The following ALPK2 variants were observed in gnomAD, a reference collection of about 807,000 sequenced individuals.
ALPK2 encodes alpha kinase 2, also known as alpha-protein kinase 2.
Under a neutral mutation model 163.1 loss-of-function variants are expected in ALPK2, and 127 were observed. The observed-to-expected ratio is 0.78, with a 90% confidence interval of 0.67 to 0.90. ALPK2 has a LOEUF of 0.90. Ranked by LOEUF, ALPK2 falls within the 40% of genes least tolerant of loss-of-function variation. ALPK2 has a pLI of 0.00. For synonymous variants in ALPK2, 953 were observed against 959.1 expected, an observed-to-expected ratio of 0.99 and a Z score of 0.12; for missense variants, 2,360 against 2,589.6, an observed-to-expected ratio of 0.91 and a Z score of 1.92.
At chr18:58,611,381 A>G (rs555947016) in intron 2 of ALPK2, among the ~76,000 whole-genome samples, 4 of 152,300 alleles carry the variant, frequency 2.6e-5, no homozygotes, top group African/African-American at 7.2e-5. Flanking sequence ...AATTTAAACT[A>G]TGGTTAAGGA....
intron 4 of ALPK2, among the ~76,000 whole-genome samples, chr18:58,570,711 T>C (rs981941634): frequency 6.6e-6 from 1 of 152,218 alleles, no homozygotes; most frequent in African/African-American, 2.4e-5. Flanking sequence ...CAGTCAATCC[T>C]CATATTGTGG....
intron 1 of ALPK2, among the ~76,000 whole-genome samples, chr18:58,613,125 T>C (rs1030383400): frequency 1.4e-4 from 21 of 152,170 alleles, no homozygotes; most frequent in African/African-American, 5.1e-4. Flanking sequence ...TCTTCCCTAT[T>C]TCTTCCCACT....
At chr18:58,517,302 G>A (rs2051527526) in intron 8 of ALPK2, 120 bp from the exon 9 acceptor site, 1 of 1,009,284 alleles carries the variant, frequency 9.9e-7, no homozygotes, top group Non-Finnish European at 1.4e-6. Flanking sequence ...AGAACCAAGA[G>A]GGGGCAGACA....
At chr18:58,529,012 TTC>T (rs556779023) in intron 6 of ALPK2, 77 bp downstream of exon 6, 6 of 1,568,342 alleles carry the variant, frequency 3.8e-6, no homozygotes, top group Non-Finnish European at 5.3e-6. Context: ...CTATAATTTA[TTC>T]TTTTTTCTTT....
intron 4 of ALPK2, among the ~76,000 whole-genome samples, chr18:58,563,264 A>G (rs1003578984): frequency 1.3e-5 from 2 of 152,256 alleles, no homozygotes; most frequent in Admixed American, 1.3e-4. Flanking sequence ...CAGTGATCAA[A>G]GAAAAACATT....
chr18:58,585,707 G>A (rs1262322057), intron 3 of ALPK2, among the ~76,000 whole-genome samples: 11 of 142,970 alleles, frequency 7.7e-5, no homozygotes, highest in Non-Finnish European at 1.1e-4. Context: ...TTTTTGAGAC[G>A]GAGTCTTGCT....
Position 58,579,252 on chromosome 18 carries a change from C to T in ALPK2, c.1524G>A (p.Met508Ile), listed in dbSNP as rs1458191096. 2 of 1,614,056 alleles carry T rather than the reference C, an allele frequency of 1.2e-6. No homozygotes were observed. The highest frequency in any genetic ancestry group is 1.7e-6 in the Non-Finnish European group (2 of 1,180,030). Residue 508 changes from methionine to isoleucine, a missense_variant, in exon 4 of 13, where the codon ATG (methionine) becomes ATA (isoleucine). Met to Ile is a conservative substitution (Grantham distance 10). Transcript: ENST00000361673. The part of the protein sequence containing the change: ...LLSGESENSG[M>I]SQCWETAADK... Reference sequence around the variant, plus strand: ...CAGCTGCCGTCTCCCAACACTGGCTCATCCCTGAGTTTTCTGACTCACCAG... The same window carrying T: ...CAGCTGCCGTCTCCCAACACTGGCTTATCCCTGAGTTTTCTGACTCACCAG...
At chr18:58,584,697 C>T (rs2051976951) in intron 3 of ALPK2, among the ~76,000 whole-genome samples, 1 of 152,184 alleles carries the variant, frequency 6.6e-6, no homozygotes, top group East Asian at 1.9e-4. Flanking sequence ...TCATGTCCAG[C>T]CCCCAAATGA....
intron 4 of ALPK2, among the ~76,000 whole-genome samples, chr18:58,541,014 A>T (rs906100990): frequency 3.9e-5 from 6 of 152,374 alleles, no homozygotes; most frequent in African/African-American, 9.6e-5. Context: ...GGAATAGATC[A>T]TCATAGTATC....
chr18:58,571,975 C>CAA (rs35927788), intron 4 of ALPK2, among the ~76,000 whole-genome samples: 69 of 66,584 alleles, frequency 1.0e-3, no homozygotes, highest in Non-Finnish European at 1.4e-3. Flanking sequence ...GACTCCATCT[C>CAA]AAAAAAAAAA....
At position 58,579,612 on chromosome 18, in the gene ALPK2, C is replaced by A; in HGVS notation, c.1164G>T (p.Ser388=). 6.2e-7 allele frequency: 1 copy of A among 1,613,810 alleles called. No individual in the cohort carries two copies. Among genetic ancestry groups the A allele is most frequent in the Non-Finnish European group, 8.5e-7 (1 of 1,179,998 alleles). ...TGGCAACCATAGGCCCAGCGTCACCCGACACCCGAGACCCACAACCCATTC... is the reference window on the plus strand; with the variant it reads ...TGGCAACCATAGGCCCAGCGTCACCAGACACCCGAGACCCACAACCCATTC... ...LSGMGCGSRV[S]GDAGPMVATA... is the part of the protein sequence containing the mutation. Residue 388 remains serine (S), a synonymous_variant, in exon 4 of 13, where the codon TCG becomes TCT. Transcript: ENST00000361673.
intron 4 of ALPK2, among the ~76,000 whole-genome samples, chr18:58,557,646 GTATA>G (rs201043565): frequency 6.9e-6 from 1 of 145,652 alleles, no homozygotes; most frequent in Non-Finnish European, 1.5e-5. Context: ...TAGTGTGTGT[GTATA>G]TATATACACA....
chr18:58,495,258 C>T (rs11876372), intron 12 of ALPK2, among the ~76,000 whole-genome samples: 6 of 152,140 alleles, frequency 3.9e-5, no homozygotes, highest in African/African-American at 1.4e-4. Context: ...AAAAAGGTAA[C>T]GTTTAAAGAA....
chr18:58,564,412 A>G (rs1363020304), intron 4 of ALPK2, among the ~76,000 whole-genome samples: 1 of 151,562 alleles, frequency 6.6e-6, no homozygotes. Flanking sequence ...ATGACCCACC[A>G]CACCTGGCCC....
At position 58,514,904 on chromosome 18, in the gene ALPK2, A is replaced by C. The variant is rs1402862870; in HGVS notation, c.6029+89T>G. On this transcript the variant is annotated intron_variant, in intron 10 of 12. Coordinates refer to ENST00000361673, the MANE Select transcript of ALPK2 (RefSeq NM_052947.4). ...TACAGACTGAGAGATCAGCTGAAACACTTGCCCTACTGTTCCTTCTCACTC... is the reference window on the plus strand; with the variant it reads ...TACAGACTGAGAGATCAGCTGAAACCCTTGCCCTACTGTTCCTTCTCACTC... 3.2e-6 allele frequency: 3 copies of C among 937,692 alleles called. No homozygotes were observed. The African/African-American group carries it at 4.9e-5, about 15-fold the overall frequency. The allele number at this position is 937,692 out of a possible 1,614,324, so 58.1% of individuals were successfully genotyped here.
chr18:58,537,800 C>T lies in ALPK2; in HGVS notation c.2387G>A (p.Arg796Lys), dbSNP rs2051662230. Residue 796 changes from arginine to lysine, a missense_variant, in exon 5 of 13, where the codon AGG becomes AAG. Arg to Lys is a conservative substitution (Grantham distance 26). Coordinates refer to ENST00000361673, the MANE Select transcript of ALPK2 (RefSeq NM_052947.4). ...CATTGCACACACTGCTTCTCTGTCC[C>T]TTGGCTCATCACACACATTTTCCAG... ...LTLENVCDEP[R>K]DREAVCAMEC... 6.2e-7 allele frequency: 1 copy of T among 1,614,180 alleles called. No individual in the cohort carries two copies. Among genetic ancestry groups the T allele is most frequent in the Non-Finnish European group, 8.5e-7 (1 of 1,180,026 alleles).
At chr18:58,624,049 C>G (rs1203691655) in intron 1 of ALPK2, among the ~76,000 whole-genome samples, 1 of 152,206 alleles carries the variant, frequency 6.6e-6, no homozygotes, top group Non-Finnish European at 1.5e-5. Context: ...CATCACTCAG[C>G]AGCCTGGGGA....
At chr18:58,550,592 CCATCCCCATCTAT>C (rs2051752069) in intron 4 of ALPK2, among the ~76,000 whole-genome samples, 30 of 126,764 alleles carry the variant, frequency 2.4e-4, no homozygotes, top group South Asian at 8.1e-4. Context: ...CAGATACAAC[CCATCCCCATCTAT>C]ATCACATACA....
intron 4 of ALPK2, among the ~76,000 whole-genome samples, chr18:58,577,631 G>A (rs996340651): frequency 6.6e-6 from 1 of 152,174 alleles, no homozygotes; most frequent in East Asian, 1.9e-4. Flanking sequence ...TAACTGGATA[G>A]GAGAATCTGG....
Sources: gnomAD v4.1 joint callset for allele counts (sites outside exome capture counted in the v4.1 genomes callset) on GRCh38, gnomAD v4.1.1 for gene constraint, MANE v1.5 for transcripts, NCBI Gene and HGNC (gene_info 2026-07-23, HGNC 2026-07-21) for gene names.